The following CNTN6 variants were observed in gnomAD, a reference collection of about 807,000 sequenced individuals.
CNTN6 encodes the protein contactin 6.
Under a neutral mutation model 122.8 loss-of-function variants are expected in CNTN6, and 137 were observed. That is an observed-to-expected ratio of 1.12 (90% CI 0.97 to 1.29). The LOEUF is 1.29. Among genes scored for constraint, CNTN6 ranks in the 50% most tolerant of loss-of-function variants. The pLI is 0.00. For synonymous variants in CNTN6, 570 were observed against 426.0 expected (o/e 1.34, Z -4.16); for missense variants, 1,634 against 1,223.4 (o/e 1.34, Z -5.01).
At chr3:1,231,422 T>A (rs1375576449) in intron 4 of CNTN6, among the ~76,000 whole-genome samples, 1 of 152,226 alleles carries the variant, frequency 6.6e-6, no homozygotes, top group Non-Finnish European at 1.5e-5. Context: ...ACCCTGTCCA[T>A]GGCAGAAACG....
intron 1 of CNTN6, among the ~76,000 whole-genome samples, chr3:1,093,808 G>C (rs532725342): frequency 6.6e-6 from 1 of 152,110 alleles, no homozygotes; most frequent in African/African-American, 2.4e-5. Flanking sequence ...TGATGACTTG[G>C]GAACAAAACT....
At chr3:1,160,825 T>C (rs2093116891) in intron 2 of CNTN6, among the ~76,000 whole-genome samples, 1 of 152,166 alleles carries the variant, frequency 6.6e-6, no homozygotes, top group Non-Finnish European at 1.5e-5. Context: ...TAGCAGCTCA[T>C]GAAAGCTGAG....
intron 1 of CNTN6, among the ~76,000 whole-genome samples, chr3:1,113,717 C>T (rs1221844661): frequency 6.6e-6 from 1 of 152,118 alleles, no homozygotes; most frequent in Non-Finnish European, 1.5e-5. Context: ...CTGTCCTACG[C>T]CCTCTAGTTA....
At chr3:1,353,512 C>G (rs1039327765) in intron 12 of CNTN6, among the ~76,000 whole-genome samples, 1 of 151,558 alleles carries the variant, frequency 6.6e-6, no homozygotes, top group Non-Finnish European at 1.5e-5. Flanking sequence ...ACCAGTATGG[C>G]ATATTTTGAA....
At chr3:1,227,090 A>G (rs2094294236) in intron 3 of CNTN6, among the ~76,000 whole-genome samples, 1 of 152,218 alleles carries the variant, frequency 6.6e-6, no homozygotes, top group African/African-American at 2.4e-5. Context: ...TTCTAAAACT[A>G]GTTATGAATC....
intron 20 of CNTN6, among the ~76,000 whole-genome samples, chr3:1,398,081 T>G (rs1032869305): frequency 1.3e-5 from 2 of 152,124 alleles, no homozygotes; most frequent in African/African-American, 2.4e-5. Context: ...GTTAGAAAAG[T>G]GCTTGTTTGC....
At chr3:1,316,674 A>G (rs1025279709) in intron 7 of CNTN6, among the ~76,000 whole-genome samples, 1 of 151,874 alleles carries the variant, frequency 6.6e-6, no homozygotes, top group Non-Finnish European at 1.5e-5. Context: ...TGAGAGCCAC[A>G]TTTCTCTCTT....
intron 6 of CNTN6, among the ~76,000 whole-genome samples, chr3:1,297,204 A>G (rs939132038): frequency 6.6e-6 from 1 of 152,042 alleles, no homozygotes; most frequent in Non-Finnish European, 1.5e-5. Context: ...ACCACCAACA[A>G]TGTATTTATT....
chr3:1,382,474 G>A (rs954262917), intron 17 of CNTN6, among the ~76,000 whole-genome samples: 4 of 152,082 alleles, frequency 2.6e-5, no homozygotes, highest in Admixed American at 2.6e-4. Flanking sequence ...GAAATATTCT[G>A]TGTCTTAAAG....
intron 4 of CNTN6, among the ~76,000 whole-genome samples, chr3:1,243,276 C>T (rs892254332): frequency 6.6e-6 from 1 of 152,178 alleles, no homozygotes; most frequent in Non-Finnish European, 1.5e-5. Context: ...TTGTAGCAAG[C>T]TCCTGGGGAA....
At chr3:1,294,485 T>C (rs1372338706) in intron 5 of CNTN6, among the ~76,000 whole-genome samples, 1 of 152,184 alleles carries the variant, frequency 6.6e-6, no homozygotes, top group Non-Finnish European at 1.5e-5. Flanking sequence ...TTCCTCATTT[T>C]ACTTGGGGAA....
intron 1 of CNTN6, among the ~76,000 whole-genome samples, chr3:1,140,052 T>C (rs565798107): frequency 9.2e-4 from 140 of 152,340 alleles, no homozygotes; most frequent in African/African-American, 3.3e-3. Context: ...TTTCTCCTTC[T>C]GAGAAAGTAT....
intron 2 of CNTN6, among the ~76,000 whole-genome samples, chr3:1,194,417 G>C (rs184706047): frequency 1.2e-4 from 18 of 151,986 alleles, no homozygotes; most frequent in Admixed American, 6.6e-5. Flanking sequence ...GATCTTTATG[G>C]AGAAAAACTT....
chr3:1,332,914 C>A (rs1274738586), intron 11 of CNTN6, among the ~76,000 whole-genome samples: 1 of 152,022 alleles, frequency 6.6e-6, no homozygotes. Context: ...GATCCTAAAT[C>A]CTAGCAAAGT....
chr3:1,173,378 G>A (rs1299275884), intron 2 of CNTN6: 4 of 439,962 alleles, frequency 9.1e-6, no homozygotes, highest in African/African-American at 2.0e-5. Context: ...GCATGTGCTC[G>A]ATATTGAGCT....
At chr3:1,158,435 C>T (rs897304689) in intron 2 of CNTN6, among the ~76,000 whole-genome samples, 2 of 152,082 alleles carry the variant, frequency 1.3e-5, no homozygotes, top group Non-Finnish European at 2.9e-5. Context: ...GGTTATTAGT[C>T]CCTTGTCAGA....
At position 1,157,023 on chromosome 3, in the gene CNTN6, T is replaced by A. The variant is rs531878690; in HGVS notation, c.55+8960T>A. 1.7e-4 allele frequency among the ~76,000 whole-genome samples: 26 copies of A among 151,756 alleles called. No individual in the cohort carries two copies. The South Asian group carries it at 5.4e-3, about 31-fold the overall frequency. On this transcript the variant is annotated intron_variant, in intron 2 of 22. Transcript: ENST00000446702. ...GAGTCACTGCACCTTGCCTCTTTTT[T>A]TTTTTATTTTTAATTTTAATTTTTC...
intron 1 of CNTN6, among the ~76,000 whole-genome samples, chr3:1,110,341 C>T (rs924555337): frequency 2.0e-5 from 3 of 152,026 alleles, no homozygotes; most frequent in South Asian, 4.1e-4. Context: ...CCACATAAAA[C>T]AGGTATACCA....
intron 1 of CNTN6, among the ~76,000 whole-genome samples, chr3:1,129,378 G>T (rs2092273345): frequency 6.6e-6 from 1 of 151,964 alleles, no homozygotes; most frequent in Non-Finnish European, 1.5e-5. Context: ...TGAGAAATTT[G>T]ATCCCGTTGG....
Sources: allele counts gnomAD v4.1 joint callset (sites outside exome capture counted in the v4.1 genomes callset), GRCh38; gene constraint gnomAD v4.1.1; transcripts MANE v1.5; gene names NCBI Gene and HGNC (gene_info 2026-07-23, HGNC 2026-07-21).